Variants in KAZN observed in about 807,000 individuals in gnomAD.
The protein encoded by KAZN is kazrin, periplakin interacting protein, also known as kazrin.
KAZN carries 40 observed loss-of-function variants against 87.4 expected under a neutral mutation model. The observed-to-expected ratio is 0.46, with a 90% confidence interval of 0.36 to 0.60. The LOEUF is 0.60. Ranked by LOEUF, KAZN falls within the 20% of genes least tolerant of loss-of-function variation. KAZN has a pLI of 0.00. For missense variants in KAZN, 898 were observed against 1,073.9 expected (o/e 0.84, Z 2.29); for synonymous variants, 466 against 458.3 (o/e 1.02, Z -0.22).
intron 1 of KAZN, among the ~76,000 whole-genome samples, chr1:14,094,528 T>C (rs1479272214): frequency 1.3e-5 from 2 of 152,200 alleles, no homozygotes; most frequent in Admixed American, 6.5e-5. Flanking sequence ...TAGACAACTG[T>C]TCAGCACCTT....
chr1:15,034,956 C>T, intron 3 of KAZN, 71 bp downstream of exon 3: 1 of 1,567,882 alleles, frequency 6.4e-7, no homozygotes, highest in Non-Finnish European at 8.7e-7. Flanking sequence ...GGCTGGCCAC[C>T]TTCACAGGCT....
chr1:14,308,763 C>T (rs1339867246), intron 2 of KAZN, among the ~76,000 whole-genome samples: 1 of 116,652 alleles, frequency 8.6e-6, no homozygotes, highest in Non-Finnish European at 2.0e-5. Flanking sequence ...ACTAGAACCT[C>T]GTGCCTCATA....
chr1:14,993,034 C>A (rs1667503414), intron 2 of KAZN, among the ~76,000 whole-genome samples: 1 of 150,916 alleles, frequency 6.6e-6, no homozygotes, highest in Non-Finnish European at 1.5e-5. Flanking sequence ...ACCATGTTGG[C>A]CTGGCTGGTC....
At chr1:14,771,787 T>C (rs898497371) in intron 1 of KAZN, among the ~76,000 whole-genome samples, 5 of 151,994 alleles carry the variant, frequency 3.3e-5, no homozygotes, top group Admixed American at 3.3e-4. Flanking sequence ...GACCGTGCCA[T>C]TGCACTCCAG....
intron 1 of KAZN, among the ~76,000 whole-genome samples, chr1:14,089,393 T>G (rs1012988439): frequency 6.6e-6 from 1 of 152,124 alleles, no homozygotes; most frequent in Non-Finnish European, 1.5e-5. Flanking sequence ...TGTGGATTAA[T>G]TCAGTATTTT....
chr1:14,372,795 A>G (rs1393704889), intron 2 of KAZN, among the ~76,000 whole-genome samples: 1 of 152,214 alleles, frequency 6.6e-6, no homozygotes, highest in Non-Finnish European at 1.5e-5. Context: ...ACATGTATTC[A>G]GTGCCTGCTC....
chr1:14,379,866 C>G (rs528018113), intron 2 of KAZN, among the ~76,000 whole-genome samples: 14 of 152,286 alleles, frequency 9.2e-5, no homozygotes, highest in Non-Finnish European at 1.6e-4. Flanking sequence ...AGCCCCAGGG[C>G]CTTGAGCAAA....
intron 1 of KAZN, among the ~76,000 whole-genome samples, chr1:14,728,289 TAAAAAAAAAAAAA>T (rs55745144): frequency 3.4e-5 from 1 of 29,846 alleles, no homozygotes; most frequent in Non-Finnish European, 6.2e-5. Context: ...ACCGTATATA[TAAAAAAAAAAAAA>T]AAAAAAAAAA....
intron 1 of KAZN, among the ~76,000 whole-genome samples, chr1:14,833,969 TCACACACACACACACACA>T (rs56000715): frequency 7.0e-6 from 1 of 141,866 alleles, no homozygotes; most frequent in Admixed American, 7.0e-5. Flanking sequence ...CCCAAGTCAT[TCACACACACACACACACA>T]CACACACACA....
At chr1:14,088,515 A>C (rs1643903134) in intron 1 of KAZN, among the ~76,000 whole-genome samples, 1 of 152,016 alleles carries the variant, frequency 6.6e-6, no homozygotes, top group South Asian at 2.1e-4. Flanking sequence ...TATGATTTCA[A>C]TTCTTTAAAT....
upstream of KAZN, among the ~76,000 whole-genome samples, chr1:14,595,686 AAAAAAAAAAAAAG>A (rs1193473561): frequency 6.6e-6 from 1 of 151,064 alleles, no homozygotes; most frequent in East Asian, 1.9e-4. Context: ...GTCTCAAAAA[AAAAAAAAAAAAAG>A]AAAAAGAAAA....
intron 13 of KAZN, among the ~76,000 whole-genome samples, chr1:15,110,198 ATGTTTAGGTGG>A (rs1188243338): frequency 7.1e-6 from 1 of 140,026 alleles, no homozygotes; most frequent in Non-Finnish European, 1.5e-5. Flanking sequence ...GTATGTGTGT[ATGTTTAGGTGG>A]TGTTTGTGTG....
rs1265398703 is a variant in KAZN at position 15,054,369 on chromosome 1, GA to G, written c.727-1718del. 2.0e-5 allele frequency among the ~76,000 whole-genome samples: 3 copies of G among 152,068 alleles called. No homozygotes were observed. In the East Asian group the frequency reaches 5.8e-4, roughly 29 times the overall value. ...GAGCCCCCGGAGCCAATCAGAAGTA[GA>G]AAATGACTGTGATGAAAAGAATGTG... On this transcript the variant is annotated intron_variant, in intron 4 of 14. Coordinates refer to ENST00000376030, the MANE Select transcript of KAZN (RefSeq NM_201628.3).
chr1:14,870,092 G>A (rs1651975284), intron 1 of KAZN, among the ~76,000 whole-genome samples: 2 of 152,176 alleles, frequency 1.3e-5, no homozygotes. Context: ...CCCAGTATCT[G>A]TCCAGGAGCA....
intron 2 of KAZN, among the ~76,000 whole-genome samples, chr1:14,334,052 T>C (rs570903068): frequency 1.3e-5 from 2 of 151,776 alleles, no homozygotes; most frequent in South Asian, 4.2e-4. Flanking sequence ...GGACTTTCAC[T>C]TTCCCCCTAC....
chr1:14,260,582 C>A (rs1183701231), intron 2 of KAZN, among the ~76,000 whole-genome samples: 1 of 152,142 alleles, frequency 6.6e-6, no homozygotes, highest in African/African-American at 2.4e-5. Flanking sequence ...TACGATCCAC[C>A]TGAAAGACAG....
At chr1:15,048,655 C>CGGTCCTGGGTCGCCGGTCCTGGGTCGTT in intron 4 of KAZN, among the ~76,000 whole-genome samples, 1 of 88,324 alleles carries the variant, frequency 1.1e-5, no homozygotes, top group Admixed American at 1.1e-4. Context: ...CCTGGGTCGT[C>CGGTCCTGGGTCGCCGGTCCTGGGTCGTT]GGTCCTGGGT....
At chr1:14,520,329 G>A (rs1034793427) in intron 2 of KAZN, among the ~76,000 whole-genome samples, 24 of 152,084 alleles carry the variant, frequency 1.6e-4, no homozygotes, top group Admixed American at 1.0e-3. Context: ...CAGACCTCCC[G>A]AGAAGGGTGG....
intron 1 of KAZN, among the ~76,000 whole-genome samples, chr1:14,721,738 G>C (rs758436218): frequency 2.6e-4 from 40 of 152,212 alleles, no homozygotes; most frequent in Non-Finnish European, 4.7e-4. Context: ...AGACCACCTA[G>C]TGCAGCATTG....
Sources: allele counts gnomAD v4.1 joint callset (sites outside exome capture counted in the v4.1 genomes callset), GRCh38; gene constraint gnomAD v4.1.1; transcripts MANE v1.5; gene names NCBI Gene and HGNC (gene_info 2026-07-23, HGNC 2026-07-21).